Variants in ITGB6 observed in about 807,000 individuals in gnomAD.
ITGB6 encodes integrin subunit beta 6.
ITGB6 carries 80 observed loss-of-function variants against 84.5 expected under a neutral mutation model. The observed-to-expected ratio is 0.95, with a 90% confidence interval of 0.79 to 1.14. ITGB6 has a LOEUF of 1.14. Ranked by LOEUF, ITGB6 falls within the 50% of genes most tolerant of loss-of-function variation. The probability of loss-of-function intolerance (pLI) is 0.00; values close to 1 mark genes in which losing one functional copy is unlikely to be tolerated. For synonymous variants in ITGB6, 383 were observed against 354.9 expected, an observed-to-expected ratio of 1.08 and a Z score of -0.89; for missense variants, 1,006 against 968.0, an observed-to-expected ratio of 1.04 and a Z score of -0.52.
chr2:160,110,651 C>A (rs770463168), intron 13 of ITGB6, among the ~76,000 whole-genome samples: 38 of 152,176 alleles, frequency 2.5e-4, no homozygotes, highest in Non-Finnish European at 4.1e-4. Context: ...TCCACAAGCA[C>A]CCTGGTGGCG....
intron 10 of ITGB6, among the ~76,000 whole-genome samples, chr2:160,127,578 T>C (rs1902622): frequency 0.67 from 101,666 of 152,054 alleles, 34,376 homozygotes; most frequent in Admixed American, 0.74. Flanking sequence ...CTGACTGCCT[T>C]AGGCACAGGT....
At position 160,171,383 on chromosome 2, in the gene ITGB6, A is replaced by G. The variant is rs1047629209; in HGVS notation, c.921+1186T>C. On this transcript the variant is annotated intron_variant, in intron 6 of 14. Transcript: ENST00000283249. ...GGAGTCTCGCTCTGTCGCCCAGGCT[A>G]GAGTGCAGTGGTGCGATCTTGGCTC... 2.2e-4 allele frequency among the ~76,000 whole-genome samples: 30 copies of G among 137,822 alleles called. No homozygotes were observed. The East Asian group carries it at 2.7e-3, about 13-fold the overall frequency. The allele number at this position is 137,822 out of a possible 152,430, so 90.4% of individuals were successfully genotyped here.
Position 160,101,814 on chromosome 2 carries a change from T to C in ITGB6, c.2289A>G (p.Arg763=). ...KWQTGTNPLY[R]GSTSTFKNVT... ...CATTTTTAAAAGTACTTGTGGATCC[T>C]CTGTAGAGTGGATTGGTTCCCTGGA... Residue 763 remains arginine, a synonymous_variant, in exon 15 of 15, where the codon AGA becomes AGG. Transcript: ENST00000283249. 1 of 1,567,690 alleles carries C rather than the reference T, an allele frequency of 6.4e-7. No homozygotes were observed. Among genetic ancestry groups the C allele is most frequent in the South Asian group, 1.1e-5 (1 of 88,800 alleles).
chr2:160,149,754 G>C lies in ITGB6; in HGVS notation c.1018-7683C>G, dbSNP rs1166222380. Among the ~76,000 whole-genome samples the C allele has an allele frequency of 2.6e-5, 4 of 152,116 alleles. No homozygotes were observed. The East Asian group carries it at 7.7e-4, about 29-fold the overall frequency. ...TAACCAGAATAAACAGTGTAGAGAA[G>C]GCCTTAAATGACCTGATGGAGCTGA... On this transcript the variant is annotated intron_variant, in intron 7 of 14. Transcript: ENST00000283249.
chr2:160,144,540 G>C (rs893972226), intron 7 of ITGB6, among the ~76,000 whole-genome samples: 4 of 152,234 alleles, frequency 2.6e-5, no homozygotes, highest in African/African-American at 9.6e-5. Flanking sequence ...TCCCAGAAGA[G>C]ACGGCAGAGG....
At chr2:160,127,475 T>C (rs1250188381) in intron 10 of ITGB6, among the ~76,000 whole-genome samples, 3 of 152,192 alleles carry the variant, frequency 2.0e-5, no homozygotes, top group Non-Finnish European at 4.4e-5. Context: ...CCCCTTTGAG[T>C]TGTCACACCT....
chr2:160,164,454 G>T (rs750241638), intron 7 of ITGB6, among the ~76,000 whole-genome samples: 2 of 152,166 alleles, frequency 1.3e-5, no homozygotes, highest in Non-Finnish European at 2.9e-5. Context: ...CACTTTGGGA[G>T]GCCAAGGTGG....
At chr2:160,173,900 C>A (rs1685310597) in intron 5 of ITGB6, 74 bp downstream of exon 5, 6 of 1,307,428 alleles carry the variant, frequency 4.6e-6, no homozygotes, top group Admixed American at 2.6e-5. Flanking sequence ...ATTAGCTAAT[C>A]TTTTTGAAGT....
chr2:160,175,733 C>T (rs544949510), intron 4 of ITGB6, among the ~76,000 whole-genome samples: 2 of 152,282 alleles, frequency 1.3e-5, no homozygotes, highest in African/African-American at 4.8e-5. Context: ...GTTTATAATT[C>T]AATGAGATCT....
At chr2:160,151,410 A>G (rs1415491249) in intron 7 of ITGB6, among the ~76,000 whole-genome samples, 4 of 152,228 alleles carry the variant, frequency 2.6e-5, no homozygotes, top group African/African-American at 9.6e-5. Flanking sequence ...GAACAAAGAC[A>G]CAACATACCA....
chr2:160,174,014 T>A lies in ITGB6; in HGVS notation c.719A>T (p.Glu240Val). The change falls in exon 5 of 15, where the codon GAA (glutamate) becomes GTA (valine). Residue 240 changes from glutamate (E) to valine (V), a missense_variant. Transcript: ENST00000283249. The stretch of plus-strand genomic sequence containing the variant: ...TTGCATAATTGCATCAAATCCACCT[T>A]CGGGTGTGTCAATATTAGCAGAAAT... ...QKISANIDTP[E>V]GGFDAIMQAA... is the part of the protein sequence containing the mutation. 1 of 1,613,864 alleles carries A rather than the reference T, an allele frequency of 6.2e-7. No homozygotes were observed. The highest frequency in any genetic ancestry group is 8.5e-7 in the Non-Finnish European group (1 of 1,179,936).
chr2:160,107,689 T>C lies in ITGB6; in HGVS notation c.2258A>G (p.Lys753Arg). 6.2e-7 allele frequency: 1 copy of C among 1,613,970 alleles called. No homozygotes were observed. The highest frequency in any genetic ancestry group is 8.5e-7 in the Non-Finnish European group (1 of 1,179,872). The change falls in exon 14 of 15, where the codon AAG (lysine) becomes AGG (arginine). Residue 753 changes from lysine to arginine, a missense_variant. Coordinates refer to ENST00000283249, the MANE Select transcript of ITGB6 (RefSeq NM_000888.5). Reference sequence around the variant, plus strand: ...TAAGTTTCCACATACCGTTTGCCACTTGGCTTTTGATCGTTCTGCTTCAAA... The same window carrying C: ...TAAGTTTCCACATACCGTTTGCCACCTGGCTTTTGATCGTTCTGCTTCAAA... Reference protein sequence around the residue: ...AKFEAERSKAKWQTGTNPLYR... With the variant: ...AKFEAERSKARWQTGTNPLYR...
chr2:160,162,252 C>A (rs960202041), intron 7 of ITGB6, among the ~76,000 whole-genome samples: 1 of 151,872 alleles, frequency 6.6e-6, no homozygotes, highest in Non-Finnish European at 1.5e-5. Context: ...TAATAAAAAA[C>A]CCCAAATATA....
intron 4 of ITGB6, among the ~76,000 whole-genome samples, chr2:160,178,704 T>G (rs1277457943): frequency 2.0e-5 from 3 of 149,460 alleles, no homozygotes; most frequent in Non-Finnish European, 4.5e-5. Context: ...TTTTTTTTTT[T>G]TTTTTGAGAC....
At chr2:160,140,489 T>C (rs1041340713) in intron 8 of ITGB6, among the ~76,000 whole-genome samples, 1 of 152,184 alleles carries the variant, frequency 6.6e-6, no homozygotes, top group Non-Finnish European at 1.5e-5. Context: ...GTTTCTCCGA[T>C]GATGTTAGTG....
intron 4 of ITGB6, 107 bp downstream of exon 4, chr2:160,195,262 G>T: frequency 7.1e-7 from 1 of 1,403,026 alleles, no homozygotes; most frequent in Non-Finnish European, 9.9e-7. Flanking sequence ...AACCAGACAA[G>T]GCAGAAATGC....
chr2:160,152,439 A>G (rs1037197895), intron 7 of ITGB6, among the ~76,000 whole-genome samples: 4 of 152,154 alleles, frequency 2.6e-5, no homozygotes, highest in Non-Finnish European at 4.4e-5. Context: ...GTATTGATGG[A>G]ACGTATCTCA....
chr2:160,115,183 T>C (rs1317788046), intron 12 of ITGB6, among the ~76,000 whole-genome samples: 27 of 151,482 alleles, frequency 1.8e-4, no homozygotes, highest in Non-Finnish European at 2.5e-4. Context: ...GATCTGAGAA[T>C]GGGCAGACTG....
intron 6 of ITGB6, among the ~76,000 whole-genome samples, chr2:160,171,329 ATTTTTTTAT>A (rs1685191431): frequency 8.1e-6 from 1 of 123,932 alleles, no homozygotes; most frequent in Non-Finnish European, 1.7e-5. Flanking sequence ...AATCAAATTT[ATTTTTTTAT>A]TTTTTTTTTT....
Sources: allele counts gnomAD v4.1 joint callset (sites outside exome capture counted in the v4.1 genomes callset), GRCh38; gene constraint gnomAD v4.1.1; transcripts MANE v1.5; gene names NCBI Gene and HGNC (gene_info 2026-07-23, HGNC 2026-07-21).